DECR1: variants seen among roughly 807,000 people sequenced by gnomAD.
DECR1 encodes 2,4-dienoyl-CoA reductase 1, also known as 2,4-dienoyl-CoA reductase [(3E)-enoyl-CoA-producing], mitochondrial.
Under a neutral mutation model 38.8 loss-of-function variants are expected in DECR1, and 44 were observed. The observed-to-expected ratio is 1.13, with a 90% CI of 0.89 to 1.46. The LOEUF (loss-of-function observed/expected upper bound fraction) is 1.46. Ranked by LOEUF, DECR1 falls within the 40% of genes most tolerant of loss-of-function variation. The pLI is 0.00. For synonymous variants in DECR1, 148 were observed against 135.2 expected, an observed-to-expected ratio of 1.09 and a Z score of -0.66; for missense variants, 428 against 405.5, an observed-to-expected ratio of 1.06 and a Z score of -0.48.
intron 6 of DECR1, among the ~76,000 whole-genome samples, chr8:90,039,631 C>T (rs540239636): frequency 1.2e-4 from 19 of 152,320 alleles, no homozygotes; most frequent in Admixed American, 3.3e-4. Flanking sequence ...TTTCCCCTGC[C>T]TCTTGCAGCA....
intron 8 of DECR1, among the ~76,000 whole-genome samples, chr8:90,047,293 A>T (rs1422884253): frequency 6.6e-6 from 1 of 152,216 alleles, no homozygotes; most frequent in Non-Finnish European, 1.5e-5. Context: ...GACCCATCTC[A>T]CATGCAGAGA....
At chr8:90,019,472 G>A (rs900767780) in intron 4 of DECR1, among the ~76,000 whole-genome samples, 8 of 152,182 alleles carry the variant, frequency 5.3e-5, no homozygotes, top group Non-Finnish European at 8.8e-5. Flanking sequence ...TTTTATAGTC[G>A]TATTTATACC....
intron 5 of DECR1, among the ~76,000 whole-genome samples, chr8:90,023,214 T>G (rs1813210005): frequency 2.6e-5 from 4 of 152,212 alleles, no homozygotes; most frequent in Admixed American, 2.0e-4. Flanking sequence ...ATTGTACATG[T>G]TTTGTTAACT....
intron 5 of DECR1, among the ~76,000 whole-genome samples, chr8:90,022,654 C>A (rs1813192574): frequency 6.6e-6 from 1 of 151,962 alleles, no homozygotes; most frequent in Non-Finnish European, 1.5e-5. Context: ...CTCGCCCTAC[C>A]CCTTGCTGAT....
chr8:90,043,067 T>C (rs1407002175), intron 7 of DECR1, among the ~76,000 whole-genome samples: 5 of 152,174 alleles, frequency 3.3e-5, no homozygotes, highest in East Asian at 1.9e-4. Flanking sequence ...GTTGGCACTT[T>C]GTCTGATTTG....
intron 1 of DECR1, chr8:90,005,577 G>T (rs768184209): frequency 2.4e-5 from 9 of 382,378 alleles, no homozygotes; most frequent in East Asian, 7.1e-5. Context: ...GCAGAACATT[G>T]TCCTCTGAAG....
At chr8:90,044,418 C>A (rs7015234) in intron 7 of DECR1, among the ~76,000 whole-genome samples, 149,301 of 152,336 alleles carry the variant, frequency 0.98, 73,179 homozygotes, top group Middle Eastern at 1. Flanking sequence ...GAATTTCTAC[C>A]TACTTGTTTT....
At chr8:90,046,913 A>C (rs969695790) in intron 8 of DECR1, among the ~76,000 whole-genome samples, 1 of 152,200 alleles carries the variant, frequency 6.6e-6, no homozygotes, top group African/African-American at 2.4e-5. Flanking sequence ...TTTAACCTAG[A>C]ATTTCATATC....
chr8:90,051,283 G>A (rs1814083768), intron 8 of DECR1, among the ~76,000 whole-genome samples: 1 of 151,882 alleles, frequency 6.6e-6, no homozygotes, highest in Non-Finnish European at 1.5e-5. Flanking sequence ...AACTTAACAT[G>A]GTGGCAGGCA....
intron 1 of DECR1, among the ~76,000 whole-genome samples, chr8:90,004,624 G>A (rs1051355151): frequency 2.0e-5 from 3 of 152,128 alleles, no homozygotes; most frequent in Admixed American, 2.0e-4. Flanking sequence ...TCTTGGAGCA[G>A]TATAAAACCA....
At chr8:90,032,191 T>A (rs1274864518) in intron 5 of DECR1, among the ~76,000 whole-genome samples, 1 of 152,112 alleles carries the variant, frequency 6.6e-6, no homozygotes, top group East Asian at 1.9e-4. Flanking sequence ...GTTGGAAGAA[T>A]CAAGTTTCTT....
chr8:90,027,541 C>T (rs565133763), intron 5 of DECR1, among the ~76,000 whole-genome samples: 54 of 152,180 alleles, frequency 3.5e-4, no homozygotes, highest in African/African-American at 1.3e-3. Context: ...AGGATTACAA[C>T]CCCTGCTTTT....
At chr8:90,002,718 C>G (rs1464842555) in intron 1 of DECR1, among the ~76,000 whole-genome samples, 1 of 152,170 alleles carries the variant, frequency 6.6e-6, no homozygotes, top group African/African-American at 2.4e-5. Flanking sequence ...TATGGTGGTT[C>G]CCTCAAGTAA....
At chr8:90,045,020 C>G (rs1813855999) in intron 8 of DECR1, 25 bp downstream of exon 8, 1 of 1,611,408 alleles carries the variant, frequency 6.2e-7, no homozygotes, top group Non-Finnish European at 8.5e-7. Context: ...TTTCTCTTCA[C>G]TTTTTTTTCA....
intron 1 of DECR1, chr8:90,006,397 A>C (rs947793265): frequency 2.9e-6 from 2 of 685,778 alleles, no homozygotes; most frequent in Non-Finnish European, 5.3e-6. Context: ...AGAGTAGTCT[A>C]TGTGAAGGCC....
In DECR1 at chr8:90,053,149, A is replaced by G. The variant is rs1212788985; in HGVS notation, c.*1252A>G. On this transcript the variant is annotated 3_prime_UTR_variant, in exon 10 of 10. Coordinates refer to ENST00000220764, the MANE Select transcript of DECR1 (RefSeq NM_001359.2). Reference sequence around the variant, plus strand: ...AATACTCTCAAAATAAAACGCAGACAGGTACCTAGTCTCCATTTTACCTTT... The same window carrying G: ...AATACTCTCAAAATAAAACGCAGACGGGTACCTAGTCTCCATTTTACCTTT... Among the ~76,000 whole-genome samples, 2 of 152,162 alleles carry G rather than the reference A, an allele frequency of 1.3e-5. No homozygotes were observed. The highest frequency in any genetic ancestry group is 4.8e-5 in the African/African-American group (2 of 41,440).
intron 2 of DECR1, 70 bp downstream of exon 2, chr8:90,017,396 C>T: frequency 8.5e-7 from 1 of 1,181,464 alleles, no homozygotes. Flanking sequence ...GTATTGAAAA[C>T]ACTGTTCGCC....
In DECR1 at chr8:90,052,028, C is replaced by G; in HGVS notation, c.*131C>G. On this transcript the variant is annotated 3_prime_UTR_variant, in exon 10 of 10. Transcript: ENST00000220764. ...CATTCATTGAATATGTATTATGTGCCAGGCCAGTGATAGCCATTGTATATT... is the reference window on the plus strand; with the variant it reads ...CATTCATTGAATATGTATTATGTGCGAGGCCAGTGATAGCCATTGTATATT... 1 of 750,530 alleles carries G rather than the reference C, an allele frequency of 1.3e-6. No homozygotes were observed. The highest frequency in any genetic ancestry group is 2.2e-6 in the Non-Finnish European group (1 of 454,804). The allele number at this position is 750,530 out of a possible 1,614,324, so 46.5% of individuals were successfully genotyped here.
chr8:90,017,530 G>A (rs914027861), intron 2 of DECR1, among the ~76,000 whole-genome samples: 1 of 152,160 alleles, frequency 6.6e-6, no homozygotes, highest in Non-Finnish European at 1.5e-5. Flanking sequence ...TGAAAATTGT[G>A]GAACTGATGT....
Sources: gnomAD v4.1 joint callset for allele counts (sites outside exome capture counted in the v4.1 genomes callset) on GRCh38, gnomAD v4.1.1 for gene constraint, MANE v1.5 for transcripts, NCBI Gene and HGNC (gene_info 2026-07-23, HGNC 2026-07-21) for gene names.